TLK1: variants seen among roughly 807,000 people sequenced by gnomAD.
The protein encoded by TLK1 is serine/threonine-protein kinase tousled-like 1.
In TLK1, 24 loss-of-function variants were observed where a neutral mutation model predicts 105.3. That is an observed-to-expected ratio of 0.23 (90% confidence interval 0.17 to 0.32). The LOEUF is 0.32. TLK1 is among the 10% of genes least tolerant of loss of function. The pLI, the probability that TLK1 is intolerant of heterozygous loss-of-function variation, is 1.00. For missense variants in TLK1, 558 were observed against 910.5 expected, an observed-to-expected ratio of 0.61 and a Z score of 4.98; for synonymous variants, 321 against 310.4, an observed-to-expected ratio of 1.03 and a Z score of -0.36.
intron 12 of TLK1, chr2:171,023,034 C>CT (rs1685601154): frequency 2.1e-6 from 1 of 470,582 alleles, no homozygotes; most frequent in African/African-American, 2.0e-5. Flanking sequence ...AATACTGATG[C>CT]TGCTGCTGCC....
intron 3 of TLK1, among the ~76,000 whole-genome samples, chr2:171,069,515 A>C (rs1478675817): frequency 6.6e-6 from 1 of 152,216 alleles, no homozygotes; most frequent in Non-Finnish European, 1.5e-5. Flanking sequence ...ACAAGGCTGT[A>C]GATATCTAAT....
At chr2:171,178,824 T>C (rs1322575208) in intron 1 of TLK1, among the ~76,000 whole-genome samples, 2 of 152,224 alleles carry the variant, frequency 1.3e-5, no homozygotes, top group African/African-American at 4.8e-5. Context: ...ATTTTCCTGG[T>C]TTGGGATATC....
chr2:171,071,955 A>G (rs775077254), intron 3 of TLK1, among the ~76,000 whole-genome samples: 1 of 152,076 alleles, frequency 6.6e-6, no homozygotes, highest in Non-Finnish European at 1.5e-5. Context: ...TCACTGATCT[A>G]TGTGTCTGTT....
rs1692453151 is a variant in TLK1 at position 171,160,675 on chromosome 2, AGAG to A, written c.-250_-248del. 2 of 569,476 alleles carry A rather than the reference AGAG, an allele frequency of 3.5e-6. No individual in the cohort carries two copies. Among genetic ancestry groups the A allele is most frequent in the Non-Finnish European group, 5.8e-6 (2 of 346,952 alleles). The allele number at this position is 569,476 out of a possible 1,614,324, so 35.3% of individuals were successfully genotyped here. ...AAGCGAGGGAGCGAGCGGGCGCGCC[AGAG>A]GAGAGGAGGAGGAAAGGAGCGCGGC... On this transcript the variant is annotated 5_prime_UTR_variant, in exon 1 of 21. Coordinates refer to ENST00000431350, the MANE Select transcript of TLK1 (RefSeq NM_012290.5). This position sits in a 1 kb window ranked among gnomAD's most constrained non-coding sequence, Gnocchi z 4.4.
At chr2:171,123,765 T>C (rs1021318974) in intron 1 of TLK1, among the ~76,000 whole-genome samples, 12 of 152,216 alleles carry the variant, frequency 7.9e-5, no homozygotes, top group South Asian at 2.1e-4. Context: ...TGAGTCATGA[T>C]TGTGCCACTG....
intron 1 of TLK1, among the ~76,000 whole-genome samples, chr2:171,215,296 AAGACACTAACATTC>A (rs1298160482): frequency 6.9e-6 from 1 of 145,492 alleles, no homozygotes; most frequent in Non-Finnish European, 1.5e-5. Flanking sequence ...CACCTACATA[AAGACACTAACATTC>A]AGTTTCATAG....
At chr2:171,205,189 G>A (rs1001686272) in intron 1 of TLK1, among the ~76,000 whole-genome samples, 7 of 152,118 alleles carry the variant, frequency 4.6e-5, no homozygotes, top group African/African-American at 1.7e-4. Context: ...CACCAGCCTG[G>A]GAGACAGAGT....
chr2:171,214,627 G>C (rs922227003), intron 1 of TLK1, among the ~76,000 whole-genome samples: 4 of 152,272 alleles, frequency 2.6e-5, no homozygotes, highest in African/African-American at 9.6e-5. Context: ...TCTGCAGTGA[G>C]GCTGAAAAAT....
chr2:171,003,838 T>C (rs960968305), intron 18 of TLK1, among the ~76,000 whole-genome samples: 16 of 152,254 alleles, frequency 1.1e-4, no homozygotes, highest in Non-Finnish European at 2.4e-4. Flanking sequence ...TGTATACGTT[T>C]TGATAAATTT....
chr2:171,054,121 G>C, intron 7 of TLK1: 2 of 231,858 alleles, frequency 8.6e-6, no homozygotes, highest in Non-Finnish European at 8.3e-6. Context: ...TGTGCTATAC[G>C]TTCCTCTAGT....
chr2:171,207,914 A>T (rs1373719911), intron 1 of TLK1, among the ~76,000 whole-genome samples: 1 of 152,058 alleles, frequency 6.6e-6, no homozygotes, highest in Non-Finnish European at 1.5e-5. Flanking sequence ...TTTAGTAGAG[A>T]TGGAGTTTCA....
chr2:171,090,889 T>C (rs1358032111), intron 2 of TLK1, among the ~76,000 whole-genome samples: 3 of 152,204 alleles, frequency 2.0e-5, no homozygotes, highest in African/African-American at 7.2e-5. Context: ...TAAAATTAAA[T>C]TGAAAATTAA....
rs182325306 is a variant in TLK1 at position 171,132,514 on chromosome 2, T to C, written c.140-14657A>G. The stretch of plus-strand genomic sequence containing the variant: ...TTTGTATAAGTTCACTGCATATTAA[T>C]GTTAGTACTCTAATAATACAGCGTA... On this transcript the variant is annotated intron_variant, in intron 1 of 20. Coordinates refer to ENST00000431350, the MANE Select transcript of TLK1 (RefSeq NM_012290.5). Among the ~76,000 whole-genome samples, 64 of 152,378 alleles carry C rather than the reference T, an allele frequency of 4.2e-4. No homozygotes were observed. The Middle Eastern group carries it at 0.01, about 24-fold the overall frequency.
chr2:171,086,328 A>G (rs1688970839), intron 2 of TLK1, among the ~76,000 whole-genome samples: 2 of 152,200 alleles, frequency 1.3e-5, no homozygotes, highest in Non-Finnish European at 2.9e-5. Flanking sequence ...GACAACACTT[A>G]GAAGAAGGGA....
chr2:171,218,415 A>G (rs1387222851), intron 1 of TLK1, among the ~76,000 whole-genome samples: 1 of 152,232 alleles, frequency 6.6e-6, no homozygotes, highest in Non-Finnish European at 1.5e-5. Flanking sequence ...CAGTTTTGCC[A>G]GATGAAAAGA....
Position 171,208,195 on chromosome 2 carries a change from C to A in TLK1, c.-6+22950G>T, listed in dbSNP as rs924859172. Among the ~76,000 whole-genome samples the A allele has an allele frequency of 9.2e-5, 14 of 152,144 alleles. 1 individual carries two copies. The Middle Eastern group carries it at 0.01, about 111-fold the overall frequency. ...GAAAGTATAGAAATTAGTATTACTG[C>A]AACCTTAGGAAGGTATAAGAATAGA... On this transcript the variant is annotated intron_variant, in intron 1 of 20. Transcript: ENST00000521943.
intron 1 of TLK1, among the ~76,000 whole-genome samples, chr2:171,125,616 A>G (rs1345260723): frequency 6.6e-6 from 1 of 152,232 alleles, no homozygotes; most frequent in Non-Finnish European, 1.5e-5. Flanking sequence ...AGTTTCTGTC[A>G]AAACTCCTCA....
chr2:171,135,057 A>G (rs1185081103), intron 1 of TLK1, among the ~76,000 whole-genome samples: 2 of 152,188 alleles, frequency 1.3e-5, no homozygotes, highest in Non-Finnish European at 2.9e-5. Flanking sequence ...AGCAGAAAGA[A>G]TAGTGGTTAC....
At chr2:171,149,231 G>A (rs1367751784) in intron 1 of TLK1, among the ~76,000 whole-genome samples, 1 of 150,806 alleles carries the variant, frequency 6.6e-6, no homozygotes, top group Non-Finnish European at 1.5e-5. Flanking sequence ...GGCGGGCAGG[G>A]AGAAGCAGCA....
Sources: allele counts gnomAD v4.1 joint callset (sites outside exome capture counted in the v4.1 genomes callset), GRCh38; gene constraint gnomAD v4.1.1; non-coding constraint Gnocchi (gnomAD v3.1); transcripts MANE v1.5; gene names NCBI Gene and HGNC (gene_info 2026-07-23, HGNC 2026-07-21).